Variants in TRAPPC9 observed in about 807,000 individuals in gnomAD.
TRAPPC9 encodes trafficking protein particle complex subunit 9.
TRAPPC9 carries 83 observed loss-of-function variants against 124.0 expected under a neutral mutation model. The ratio of observed to expected loss-of-function variants is 0.67; its 90% CI spans 0.56 to 0.80. The LOEUF is 0.80. Ranked by LOEUF, TRAPPC9 falls within the 30% of genes least tolerant of loss-of-function variation. TRAPPC9 has a pLI of 0.00. For missense variants in TRAPPC9, 1,302 were observed against 1,508.3 expected (o/e 0.86, Z 2.27); for synonymous variants, 638 against 617.5 (o/e 1.03, Z -0.49).
intron 2 of TRAPPC9, among the ~76,000 whole-genome samples, chr8:140,446,293 C>CAAAAAAAAAAAAAAAA: frequency 9.1e-6 from 1 of 110,370 alleles, no homozygotes; most frequent in Admixed American, 1.0e-4. Flanking sequence ...GACTCTGTCT[C>CAAAAAAAAAAAAAAAA]AAAAAAAAAA....
At chr8:139,790,624 G>A (rs1225248583) in intron 21 of TRAPPC9, among the ~76,000 whole-genome samples, 1 of 152,176 alleles carries the variant, frequency 6.6e-6, no homozygotes, top group East Asian at 1.9e-4. Context: ...GGTGCTACCG[G>A]CATTCAGTGG....
chr8:139,955,606 T>G (rs1834918932), intron 19 of TRAPPC9, among the ~76,000 whole-genome samples: 3 of 152,138 alleles, frequency 2.0e-5, no homozygotes, highest in Admixed American at 2.0e-4. Flanking sequence ...CAATGCAGGA[T>G]TCCTCGAGAA....
chr8:140,204,488 G>C (rs1015486417), intron 17 of TRAPPC9, among the ~76,000 whole-genome samples: 9 of 125,038 alleles, frequency 7.2e-5, no homozygotes. Flanking sequence ...TGGGGGGAGG[G>C]GGGAGGGATA....
At chr8:140,370,291 C>A (rs187354956) in intron 8 of TRAPPC9, among the ~76,000 whole-genome samples, 2 of 152,156 alleles carry the variant, frequency 1.3e-5, no homozygotes, top group Admixed American at 6.5e-5. Flanking sequence ...AAGCGCACGC[C>A]ACCATGCCCA....
At chr8:139,949,752 G>A (rs1456082784) in intron 19 of TRAPPC9, among the ~76,000 whole-genome samples, 2 of 152,132 alleles carry the variant, frequency 1.3e-5, no homozygotes, top group Admixed American at 6.5e-5. Context: ...GGGGGAAGTG[G>A]AAAGGGGGAG....
intron 5 of TRAPPC9, among the ~76,000 whole-genome samples, chr8:140,407,338 G>A (rs1041867899): frequency 2.0e-5 from 3 of 151,970 alleles, no homozygotes; most frequent in Non-Finnish European, 4.4e-5. Context: ...TAAGTGACAA[G>A]GAGTCTTGAT....
chr8:139,988,633 G>A (rs927450428), intron 19 of TRAPPC9, 93 bp downstream of exon 19: 4 of 825,294 alleles, frequency 4.8e-6, no homozygotes, highest in Admixed American at 4.0e-5. Context: ...CATCCTCTGA[G>A]GACTTGGGGT....
intron 19 of TRAPPC9, among the ~76,000 whole-genome samples, chr8:139,925,565 T>C (rs898570547): frequency 2.6e-5 from 4 of 151,690 alleles, no homozygotes; most frequent in Admixed American, 6.6e-5. Flanking sequence ...CTGGGTAACA[T>C]AGTGAAACCC....
intron 19 of TRAPPC9, among the ~76,000 whole-genome samples, chr8:139,965,174 T>G (rs755052499): frequency 6.6e-6 from 1 of 152,208 alleles, no homozygotes; most frequent in Non-Finnish European, 1.5e-5. Flanking sequence ...TGACGGCCCA[T>G]TCATCTGCAG....
chr8:140,445,714 GT>G (rs1227697477), intron 2 of TRAPPC9, among the ~76,000 whole-genome samples: 15 of 152,222 alleles, frequency 9.9e-5, no homozygotes, highest in African/African-American at 3.4e-4. Context: ...ACCCTAGAAT[GT>G]GATGAAATCT....
intron 12 of TRAPPC9, among the ~76,000 whole-genome samples, chr8:140,289,800 C>T (rs2065595739): frequency 6.6e-6 from 1 of 152,210 alleles, no homozygotes; most frequent in Admixed American, 6.5e-5. Context: ...ACAGGAAAGG[C>T]CAGAGCCAAA....
rs142102508 is a variant in TRAPPC9 at position 140,069,091 on chromosome 8, A to G, written c.2557-45012T>C. Among the ~76,000 whole-genome samples the G allele has an allele frequency of 2.4e-3, 365 of 152,354 alleles. 2 individuals are homozygous for G. The highest frequency in any genetic ancestry group is 8.6e-3 in the African/African-American group (356 of 41,586). Reference sequence around the variant, plus strand: ...CAGGGCTCAGAGCACAGTTACGCTTATCAAAGGGAGCTGTCCCGATCCCCT... The same window carrying G: ...CAGGGCTCAGAGCACAGTTACGCTTGTCAAAGGGAGCTGTCCCGATCCCCT... On this transcript the variant is annotated intron_variant, in intron 17 of 22. Transcript: ENST00000438773.
intron 2 of TRAPPC9, among the ~76,000 whole-genome samples, chr8:140,444,867 G>GGAAAAAAAAAAAA (rs71520283): frequency 8.8e-6 from 1 of 113,984 alleles, no homozygotes; most frequent in African/African-American, 3.4e-5. Context: ...CCAATCTCAG[G>GGAAAAAAAAAAAA]AAAAAAAAAA....
chr8:139,988,238 G>A (rs976952650), intron 19 of TRAPPC9, among the ~76,000 whole-genome samples: 1 of 150,568 alleles, frequency 6.6e-6, no homozygotes, highest in Admixed American at 6.6e-5. Context: ...TCAGCCTCCC[G>A]AGTAGCTGGG....
At chr8:140,420,482 C>T (rs1194951735) in intron 5 of TRAPPC9, among the ~76,000 whole-genome samples, 1 of 152,070 alleles carries the variant, frequency 6.6e-6, no homozygotes, top group Non-Finnish European at 1.5e-5. Flanking sequence ...CTACAACCTA[C>T]CTGGGGTGGG....
At chr8:140,120,771 A>C (rs2060971756) in intron 17 of TRAPPC9, among the ~76,000 whole-genome samples, 1 of 148,322 alleles carries the variant, frequency 6.7e-6, no homozygotes, top group Non-Finnish European at 1.5e-5. Flanking sequence ...TCCAACATCC[A>C]TCCATTCATT....
intron 18 of TRAPPC9, among the ~76,000 whole-genome samples, chr8:140,015,811 A>AAT (rs985778742): frequency 5.3e-5 from 8 of 152,056 alleles, no homozygotes; most frequent in Non-Finnish European, 8.8e-5. Context: ...ATAGAACTTA[A>AAT]ATATATATAT....
At chr8:140,033,664 T>TGTG (rs61417850) in intron 17 of TRAPPC9, among the ~76,000 whole-genome samples, 2 of 76,268 alleles carry the variant, frequency 2.6e-5, no homozygotes, top group South Asian at 3.7e-4. Flanking sequence ...TGTGGTTTTT[T>TGTG]TTTTTTTTTT....
At chr8:139,863,357 A>G (rs1828299471) in intron 21 of TRAPPC9, among the ~76,000 whole-genome samples, 1 of 152,240 alleles carries the variant, frequency 6.6e-6, no homozygotes, top group Non-Finnish European at 1.5e-5. Flanking sequence ...GCTGCAGCAC[A>G]GGGAGGAGGC....
Sources: gnomAD v4.1 joint callset for allele counts (sites outside exome capture counted in the v4.1 genomes callset) on GRCh38, gnomAD v4.1.1 for gene constraint, MANE v1.5 for transcripts, NCBI Gene and HGNC (gene_info 2026-07-23, HGNC 2026-07-21) for gene names.